The following SRBD1 variants were observed in gnomAD, a reference collection of about 807,000 sequenced individuals.
SRBD1 encodes S1 RNA-binding domain-containing protein 1.
A neutral mutation model predicts 115.3 loss-of-function variants in SRBD1; 88 were observed. The observed-to-expected ratio is 0.76, with a 90% CI of 0.64 to 0.91. SRBD1 has a LOEUF of 0.91. Ranked by LOEUF, SRBD1 falls within the 40% of genes least tolerant of loss-of-function variation. The pLI, the probability that SRBD1 is intolerant of heterozygous loss-of-function variation, is 0.00. For missense variants in SRBD1, 1,385 were observed against 1,177.4 expected, an observed-to-expected ratio of 1.18 and a Z score of -2.58; for synonymous variants, 509 against 407.7, an observed-to-expected ratio of 1.25 and a Z score of -2.99.
chr2:45,610,291 A>G (rs1401630292), intron 1 of SRBD1, among the ~76,000 whole-genome samples: 6 of 152,250 alleles, frequency 3.9e-5, no homozygotes, highest in Non-Finnish European at 7.3e-5. Flanking sequence ...AAAAAAATTT[A>G]AATTCAAGAA....
intron 14 of SRBD1, among the ~76,000 whole-genome samples, chr2:45,542,092 G>A (rs577742003): frequency 2.0e-5 from 3 of 152,204 alleles, no homozygotes; most frequent in Non-Finnish European, 2.9e-5. Flanking sequence ...GTTTGTGCCA[G>A]GGGACACCTG....
At chr2:45,553,877 G>T in intron 10 of SRBD1, 147 bp from the exon 11 acceptor site, 1 of 440,616 alleles carries the variant, frequency 2.3e-6, no homozygotes, top group South Asian at 5.5e-5. Context: ...AAAGGCTGTG[G>T]TATCTGAAAA....
intron 16 of SRBD1, among the ~76,000 whole-genome samples, chr2:45,467,255 T>C (rs973448850): frequency 6.6e-6 from 1 of 152,240 alleles, no homozygotes; most frequent in Admixed American, 6.5e-5. Context: ...AAGAAGCTTG[T>C]TGGCATGTGG....
chr2:45,513,477 A>G (rs1355804083), intron 14 of SRBD1, among the ~76,000 whole-genome samples: 1 of 152,026 alleles, frequency 6.6e-6, no homozygotes, highest in East Asian at 1.9e-4. Flanking sequence ...CCTAGCACTG[A>G]GACAAATTCT....
At chr2:45,553,842 A>G in intron 10 of SRBD1, 112 bp from the exon 11 acceptor site, 4 of 521,226 alleles carry the variant, frequency 7.7e-6, no homozygotes, top group Non-Finnish European at 1.3e-5. Context: ...CCTTTATTGA[A>G]GCCAAAGTAA....
intron 14 of SRBD1, among the ~76,000 whole-genome samples, chr2:45,489,693 G>A (rs770219183): frequency 7.9e-5 from 12 of 152,208 alleles, no homozygotes; most frequent in Non-Finnish European, 1.6e-4. Flanking sequence ...ATTTAATGGA[G>A]TAGGTTCCAT....
At chr2:45,562,502 G>T (rs1014128991) in intron 10 of SRBD1, 151 bp downstream of exon 10, 53 of 494,630 alleles carry the variant, frequency 1.1e-4, no homozygotes, top group African/African-American at 9.3e-4. Flanking sequence ...AAAGTGCTGG[G>T]ATTACAGGCG....
intron 19 of SRBD1, among the ~76,000 whole-genome samples, chr2:45,395,676 GCA>G (rs148651119): frequency 6.6e-6 from 1 of 151,740 alleles, no homozygotes; most frequent in Non-Finnish European, 1.5e-5. Flanking sequence ...ACAAGGTCAC[GCA>G]CACACACACA....
intron 10 of SRBD1, among the ~76,000 whole-genome samples, chr2:45,554,882 A>G (rs1672423992): frequency 6.6e-6 from 1 of 152,166 alleles, no homozygotes; most frequent in South Asian, 2.1e-4. Flanking sequence ...AACAACCTGA[A>G]CATTATGAAA....
intron 16 of SRBD1, among the ~76,000 whole-genome samples, chr2:45,443,178 A>G (rs1217051936): frequency 6.6e-6 from 1 of 152,220 alleles, no homozygotes; most frequent in East Asian, 1.9e-4. Context: ...TTAAAAAGAC[A>G]AAAGTGAAAA....
chr2:45,458,051 T>A (rs1669206074), intron 16 of SRBD1, among the ~76,000 whole-genome samples: 2 of 152,062 alleles, frequency 1.3e-5, no homozygotes, highest in South Asian at 4.1e-4. Context: ...TGTAATGTCT[T>A]TGAGATCAAA....
At chr2:45,473,509 G>A (rs778463345) in intron 16 of SRBD1, among the ~76,000 whole-genome samples, 18 of 152,110 alleles carry the variant, frequency 1.2e-4, no homozygotes, top group Non-Finnish European at 2.6e-4. Context: ...TTTCAAAGAA[G>A]GTGTGAAACA....
intron 16 of SRBD1, among the ~76,000 whole-genome samples, chr2:45,437,272 G>A (rs959090676): frequency 6.8e-5 from 10 of 147,320 alleles, no homozygotes; most frequent in African/African-American, 2.5e-4. Flanking sequence ...AGTATTAAAA[G>A]AGAATGAAGT....
intron 7 of SRBD1, 111 bp from the exon 8 acceptor site, chr2:45,574,834 G>C: frequency 1.1e-6 from 1 of 917,050 alleles, no homozygotes. Context: ...ACCTTAAGTT[G>C]ACAGTCTTAA....
chr2:45,436,055 C>A (rs1326544233), intron 16 of SRBD1, among the ~76,000 whole-genome samples: 1 of 151,974 alleles, frequency 6.6e-6, no homozygotes. Flanking sequence ...GAATTATACA[C>A]CATAGCCAAA....
At chr2:45,434,303 G>A (rs1304004268) in intron 16 of SRBD1, among the ~76,000 whole-genome samples, 1 of 152,144 alleles carries the variant, frequency 6.6e-6, no homozygotes, top group African/African-American at 2.4e-5. Flanking sequence ...TCAAATGAGT[G>A]CCCATGTTGT....
chr2:45,552,670 G>A (rs962427457), intron 11 of SRBD1, among the ~76,000 whole-genome samples: 8 of 152,286 alleles, frequency 5.3e-5, no homozygotes, highest in African/African-American at 1.7e-4. Flanking sequence ...AAAAGCAAGC[G>A]ATGTTAGACA....
intron 9 of SRBD1, among the ~76,000 whole-genome samples, chr2:45,571,540 A>AAAAAAAAAAC: frequency 1.4e-5 from 2 of 147,710 alleles, no homozygotes; most frequent in South Asian, 2.1e-4. Flanking sequence ...AAAAAAAAAA[A>AAAAAAAAAAC]AACTGTCCAT....
At position 45,575,077 on chromosome 2, in the gene SRBD1, CTCCT is replaced by C. The variant is rs1673136603; in HGVS notation, c.1073-358_1073-355del. ...TATAAAAATGGAATCATAACAGTAC[CTCCT>C]TTATGAAGTGATTACAAATACTAAA... On this transcript the variant is annotated intron_variant, in intron 7 of 20. Coordinates refer to ENST00000263736, the MANE Select transcript of SRBD1 (RefSeq NM_018079.5). Among the ~76,000 whole-genome samples the C allele has an allele frequency of 2.0e-5, 3 of 152,108 alleles. No homozygotes were observed. In the South Asian group the frequency reaches 6.2e-4, roughly 32 times the overall value.
Sources: allele counts gnomAD v4.1 joint callset (sites outside exome capture counted in the v4.1 genomes callset), GRCh38; gene constraint gnomAD v4.1.1; transcripts MANE v1.5; gene names NCBI Gene and HGNC (gene_info 2026-07-23, HGNC 2026-07-21).